PRKN: variants seen among roughly 807,000 people sequenced by gnomAD.
The protein encoded by PRKN is E3 ubiquitin-protein ligase parkin.
Under a neutral mutation model 59.5 loss-of-function variants are expected in PRKN, and 56 were observed. The observed-to-expected ratio is 0.94, with a 90% CI of 0.76 to 1.18. PRKN has a LOEUF of 1.18. Among genes scored for constraint, PRKN ranks in the 50% most tolerant of loss-of-function variants. The pLI, the probability that PRKN is intolerant of heterozygous loss-of-function variation, is 0.00. For synonymous variants in PRKN, 250 were observed against 222.1 expected (o/e 1.13, Z -1.12); for missense variants, 657 against 596.4 (o/e 1.10, Z -1.06).
intron 1 of PRKN, among the ~76,000 whole-genome samples, chr6:162,455,731 T>C (rs1790840299): frequency 6.6e-6 from 1 of 152,140 alleles, no homozygotes; most frequent in African/African-American, 2.4e-5. Context: ...TTTCCACAAA[T>C]GGAATATGCA....
At chr6:162,708,946 A>G (rs547537476) in intron 1 of PRKN, among the ~76,000 whole-genome samples, 1 of 152,280 alleles carries the variant, frequency 6.6e-6, no homozygotes, top group Non-Finnish European at 1.5e-5. Flanking sequence ...CACTTGCCTT[A>G]CCACCTGAGC....
chr6:162,432,910 G>A (rs1043408536), intron 2 of PRKN, among the ~76,000 whole-genome samples: 1 of 152,056 alleles, frequency 6.6e-6, no homozygotes, highest in Non-Finnish European at 1.5e-5. Context: ...GATACATTCA[G>A]TGCATTAAAA....
chr6:162,653,928 A>T (rs1778542672), intron 1 of PRKN, among the ~76,000 whole-genome samples: 1 of 152,214 alleles, frequency 6.6e-6, no homozygotes, highest in Non-Finnish European at 1.5e-5. Flanking sequence ...TTATACACAT[A>T]CAGGCAGAAA....
At chr6:162,307,400 TAAA>T (rs545669121) in intron 2 of PRKN, among the ~76,000 whole-genome samples, 3 of 75,492 alleles carry the variant, frequency 4.0e-5, no homozygotes. Flanking sequence ...ACCGTCTCAA[TAAA>T]AAAAAAAAAA....
intron 7 of PRKN, among the ~76,000 whole-genome samples, chr6:161,655,594 C>T (rs1042369305): frequency 5.9e-5 from 9 of 152,308 alleles, no homozygotes; most frequent in African/African-American, 1.7e-4. Context: ...TTTGCCAAAC[C>T]GAGAGAGAAA....
rs1455049033 is a variant in PRKN at position 161,423,841 on chromosome 6, G to A, written c.1084-36964C>T. On this transcript the variant is annotated intron_variant, in intron 9 of 11. Coordinates refer to ENST00000366898, the MANE Select transcript of PRKN (RefSeq NM_004562.3). This position sits in a 1 kb window ranked among gnomAD's most constrained non-coding sequence, Gnocchi z 5.9. ...ATTGTGTATGAATTGACAGAACAGT[G>A]CCCAGTTTACAGGCAGTGCTGAACA... Among the ~76,000 whole-genome samples the A allele has an allele frequency of 2.0e-5, 3 of 152,160 alleles. No homozygotes were observed. The highest frequency in any genetic ancestry group is 4.4e-5 in the Non-Finnish European group (3 of 68,040).
intron 9 of PRKN, among the ~76,000 whole-genome samples, chr6:161,450,146 G>A (rs1026693972): frequency 2.0e-5 from 3 of 152,136 alleles, no homozygotes; most frequent in South Asian, 2.1e-4. Flanking sequence ...ATACCTTTTC[G>A]AGTCTCTCCT....
chr6:162,551,229 A>C (rs1285044670), intron 1 of PRKN, among the ~76,000 whole-genome samples: 4 of 152,126 alleles, frequency 2.6e-5, no homozygotes, highest in Non-Finnish European at 5.9e-5. Flanking sequence ...ACAAATCCCA[A>C]AACTATGTAC....
intron 1 of PRKN, among the ~76,000 whole-genome samples, chr6:162,502,862 T>A (rs1793433870): frequency 6.6e-6 from 1 of 152,116 alleles, no homozygotes; most frequent in African/African-American, 2.4e-5. Context: ...GCAGAACCAG[T>A]GTCTCTGGAT....
At chr6:161,791,204 G>A (rs1453700445) in intron 6 of PRKN, among the ~76,000 whole-genome samples, 2 of 152,152 alleles carry the variant, frequency 1.3e-5, no homozygotes, top group African/African-American at 2.4e-5. Context: ...CAATGCCAAA[G>A]AGTTATTTGT....
chr6:162,129,659 C>T (rs1005311658), intron 4 of PRKN, among the ~76,000 whole-genome samples: 1 of 151,030 alleles, frequency 6.6e-6, no homozygotes, highest in Non-Finnish European at 1.5e-5. Flanking sequence ...GTTAAATATA[C>T]TAATTTCATT....
At chr6:161,769,399 T>C (rs1171880809) in intron 7 of PRKN, among the ~76,000 whole-genome samples, 1 of 152,176 alleles carries the variant, frequency 6.6e-6, no homozygotes, top group African/African-American at 2.4e-5. Flanking sequence ...GGCTGGTCAA[T>C]GAATTGGCAC....
At chr6:162,291,605 G>A (rs1781431237) in intron 2 of PRKN, among the ~76,000 whole-genome samples, 2 of 151,728 alleles carry the variant, frequency 1.3e-5, no homozygotes, top group Admixed American at 1.3e-4. Context: ...GTCAGGTGAA[G>A]AAGGATTCTT....
At chr6:161,625,382 G>C (rs1267104432) in intron 7 of PRKN, among the ~76,000 whole-genome samples, 1 of 145,662 alleles carries the variant, frequency 6.9e-6, no homozygotes, top group South Asian at 2.4e-4. Flanking sequence ...ATGGACAGAG[G>C]AAGGGGAACA....
chr6:162,429,510 C>A (rs1789408049), intron 2 of PRKN, among the ~76,000 whole-genome samples: 1 of 152,054 alleles, frequency 6.6e-6, no homozygotes, highest in Non-Finnish European at 1.5e-5. Context: ...GGAGATTCTA[C>A]CCGGATTTCT....
chr6:162,696,195 T>G (rs957460989), intron 1 of PRKN, among the ~76,000 whole-genome samples: 1 of 152,206 alleles, frequency 6.6e-6, no homozygotes, highest in African/African-American at 2.4e-5. Context: ...CAATGATTTC[T>G]AAGTATCATA....
intron 7 of PRKN, among the ~76,000 whole-genome samples, chr6:161,660,714 A>G (rs966231540): frequency 2.6e-5 from 4 of 152,178 alleles, no homozygotes; most frequent in African/African-American, 9.7e-5. Context: ...CTGTTGCTGC[A>G]GGCTCAGGTT....
At chr6:161,500,008 G>A (rs1349396840) in intron 9 of PRKN, among the ~76,000 whole-genome samples, 1 of 152,074 alleles carries the variant, frequency 6.6e-6, no homozygotes, top group Non-Finnish European at 1.5e-5. Context: ...CAGTGTCTTT[G>A]CCAAAAGTCC....
intron 7 of PRKN, among the ~76,000 whole-genome samples, chr6:161,670,864 A>G (rs574913683): frequency 7.9e-5 from 12 of 152,056 alleles, no homozygotes; most frequent in Non-Finnish European, 1.6e-4. Context: ...TTGAATTTTG[A>G]CCCACCAAAT....
Sources: gnomAD v4.1 joint callset for allele counts (sites outside exome capture counted in the v4.1 genomes callset) on GRCh38, gnomAD v4.1.1 for gene constraint, Gnocchi (gnomAD v3.1) non-coding constraint, MANE v1.5 for transcripts, NCBI Gene and HGNC (gene_info 2026-07-23, HGNC 2026-07-21) for gene names.